The following PEX3 variants were observed in gnomAD, a reference collection of about 807,000 sequenced individuals.
PEX3 encodes the protein peroxisomal biogenesis factor 3.
Under a neutral mutation model 55.8 loss-of-function variants are expected in PEX3, and 30 were observed. The observed-to-expected ratio is 0.54, with a 90% CI of 0.40 to 0.73. The LOEUF is 0.73. Ranked by LOEUF, PEX3 falls within the 30% of genes least tolerant of loss-of-function variation. PEX3 has a pLI of 0.00. For synonymous variants in PEX3, 135 were observed against 148.4 expected (o/e 0.91, Z 0.66); for missense variants, 351 against 432.8 (o/e 0.81, Z 1.68).
chr6:143,472,423 A>G, intron 8 of PEX3, 95 bp downstream of exon 8: 1 of 854,034 alleles, frequency 1.2e-6, no homozygotes, highest in Admixed American at 2.0e-5. Flanking sequence ...CTTGAAAGGT[A>G]AGTGATTGAA....
Position 143,482,798 on chromosome 6 carries a change from G to A in PEX3, c.942-2354G>A, listed in dbSNP as rs1780258812. On this transcript the variant is annotated intron_variant, in intron 10 of 11. Coordinates refer to ENST00000367591, the MANE Select transcript of PEX3 (RefSeq NM_003630.3). This position sits in a 1 kb window ranked among gnomAD's most constrained non-coding sequence, Gnocchi z 5.5. ...TTACAATGACTAATAAAATTCAGGA[G>A]GTTTAAGCATTTAAATATACTAAGT... is the stretch of plus-strand genomic sequence containing the variant. Among the ~76,000 whole-genome samples, 1 of 151,780 alleles carries A rather than the reference G, an allele frequency of 6.6e-6. No homozygotes were observed. The highest frequency in any genetic ancestry group is 1.5e-5 in the Non-Finnish European group (1 of 67,918).
intron 9 of PEX3, among the ~76,000 whole-genome samples, chr6:143,477,396 A>G (rs1780168735): frequency 6.6e-6 from 1 of 151,346 alleles, no homozygotes; most frequent in Non-Finnish European, 1.5e-5. Context: ...CTCAATAAGT[A>G]TTTACTGAAT....
rs1216856382 is a variant in PEX3 at position 143,488,570 on chromosome 6, T to A, written c.1039-573T>A. On this transcript the variant is annotated intron_variant, in intron 11 of 11. Coordinates refer to ENST00000367591, the MANE Select transcript of PEX3 (RefSeq NM_003630.3). The surrounding 1 kb of genome is among the most constrained non-coding windows in gnomAD (Gnocchi z 4.9). ...GCTAATATTATCACAGTTTGTTGCCTACATTCATAATTGAAAGAGATACCA... is the reference window on the plus strand; with the variant it reads ...GCTAATATTATCACAGTTTGTTGCCAACATTCATAATTGAAAGAGATACCA... 6.6e-6 allele frequency among the ~76,000 whole-genome samples: 1 copy of A among 152,076 alleles called. No individual in the cohort carries two copies. The highest frequency in any genetic ancestry group is 6.6e-5 in the Admixed American group (1 of 15,250).
chr6:143,456,301 A>C (rs1483320415), intron 1 of PEX3, among the ~76,000 whole-genome samples: 1 of 152,164 alleles, frequency 6.6e-6, no homozygotes. Flanking sequence ...CATGAGCTCC[A>C]TGTTTTAGCT....
At chr6:143,469,944 TA>T (rs2128746548) in intron 4 of PEX3, among the ~76,000 whole-genome samples, 1 of 152,282 alleles carries the variant, frequency 6.6e-6, no homozygotes, top group Non-Finnish European at 1.5e-5. Context: ...TCAGCTTTTA[TA>T]CTTCCTTTTC....
intron 1 of PEX3, among the ~76,000 whole-genome samples, chr6:143,452,474 T>C (rs1419209816): frequency 1.3e-5 from 2 of 152,216 alleles, no homozygotes; most frequent in East Asian, 3.8e-4. Context: ...ATTATCTCTT[T>C]AGCGATCTCA....
chr6:143,474,094 G>T (rs1780114787), intron 8 of PEX3, among the ~76,000 whole-genome samples: 1 of 151,962 alleles, frequency 6.6e-6, no homozygotes, highest in African/African-American at 2.4e-5. Flanking sequence ...TCATGCCACT[G>T]CACTCCAGTC....
chr6:143,466,179 C>A lies in PEX3; in HGVS notation c.288-1943C>A, dbSNP rs145220470. ...TATACAATAGTCCCATCCACCTTAT[C>A]CATGGTTTCACTTTCCAAGGTTTCA... On this transcript the variant is annotated intron_variant, in intron 3 of 11. Transcript: ENST00000367591. The surrounding 1 kb of genome is among the most constrained non-coding windows in gnomAD (Gnocchi z 5.4). Among the ~76,000 whole-genome samples the A allele has an allele frequency of 3.3e-3, 504 of 152,148 alleles. 1 individual carries two copies. The highest frequency in any genetic ancestry group is 3.5e-3 in the Non-Finnish European group (236 of 67,904).
intron 1 of PEX3, among the ~76,000 whole-genome samples, chr6:143,455,359 A>ATTTTTTTTTTT (rs56788350): frequency 3.9e-4 from 28 of 71,988 alleles, no homozygotes; most frequent in Non-Finnish European, 5.1e-4. Flanking sequence ...CGCCCGGCTA[A>ATTTTTTTTTTT]TTTTTTTTTT....
In PEX3 at chr6:143,470,967, C is replaced by A; in HGVS notation, c.338C>A (p.Thr113Lys). 6.2e-7 allele frequency: 1 copy of A among 1,612,594 alleles called. No homozygotes were observed. Among genetic ancestry groups the A allele is most frequent in the Non-Finnish European group, 8.5e-7 (1 of 1,178,922 alleles). Residue 113 changes from threonine (T) to lysine (K), a missense_variant, in exon 5 of 12, where the codon ACA (threonine) becomes AAA (lysine). Physicochemically the swap from Thr to Lys is moderately conservative, Grantham distance 78. Coordinates refer to ENST00000367591, the MANE Select transcript of PEX3 (RefSeq NM_003630.3). ...IWEDLKIISF[T>K]RSTVAVYSTC... ...TTTTCTTTTCTCTGTGAAGGTTTCACAAGAAGTACTGTGGCTGTATACAGT... is the reference window on the plus strand; with the variant it reads ...TTTTCTTTTCTCTGTGAAGGTTTCAAAAGAAGTACTGTGGCTGTATACAGT...
At chr6:143,452,871 A>G (rs1281403524) in intron 1 of PEX3, among the ~76,000 whole-genome samples, 1 of 152,228 alleles carries the variant, frequency 6.6e-6, no homozygotes, top group African/African-American at 2.4e-5. Context: ...CAAGATTTAT[A>G]TATTTTTAAT....
Position 143,474,776 on chromosome 6 carries a change from A to T in PEX3, c.748-10A>T. 1 of 1,466,850 alleles carries T rather than the reference A, an allele frequency of 6.8e-7. No individual in the cohort carries two copies. The highest frequency in any genetic ancestry group is 9.6e-7 in the Non-Finnish European group (1 of 1,045,972). 90.9% of individuals were successfully genotyped at this position (1,466,850 alleles called of 1,614,324 possible). A position where few individuals can be genotyped will look rare whatever the true frequency, so the allele number is the denominator to read the frequency against. On this transcript the variant is annotated splice_polypyrimidine_tract_variant and intron_variant, in intron 8 of 11. Transcript: ENST00000367591. ...TTGAAAACCTTAAGTGTGACATTTT[A>T]ATTCTATAGGCCTGTGGACTTTCTC...
At position 143,487,202 on chromosome 6, in the gene PEX3, C is replaced by A. The variant is rs1780333279; in HGVS notation, c.1039-1941C>A. Among the ~76,000 whole-genome samples, 1 of 152,236 alleles carries A rather than the reference C, an allele frequency of 6.6e-6. No individual in the cohort carries two copies. Among genetic ancestry groups the A allele is most frequent in the East Asian group, 1.9e-4 (1 of 5,180 alleles). On this transcript the variant is annotated intron_variant, in intron 11 of 11. Coordinates refer to ENST00000367591, the MANE Select transcript of PEX3 (RefSeq NM_003630.3). The surrounding 1 kb of genome is among the most constrained non-coding windows in gnomAD (Gnocchi z 5.3). ...TATAGTGTGAACCAACCCTATGATA[C>A]ATAATTTTTATCTCAGACTACTGAA...
At chr6:143,461,363 C>T (rs1779917074) in intron 2 of PEX3, among the ~76,000 whole-genome samples, 1 of 152,110 alleles carries the variant, frequency 6.6e-6, no homozygotes, top group East Asian at 1.9e-4. Flanking sequence ...CACACGTTTC[C>T]ATGATGCAAC....
chr6:143,461,390 A>G (rs1385878787), intron 2 of PEX3, among the ~76,000 whole-genome samples: 2 of 152,226 alleles, frequency 1.3e-5, no homozygotes, highest in Non-Finnish European at 2.9e-5. Flanking sequence ...ATGAACAAAT[A>G]GCTGACTATA....
At position 143,465,633 on chromosome 6, in the gene PEX3, A is replaced by G. The variant is rs1488007415; in HGVS notation, c.288-2489A>G. On this transcript the variant is annotated intron_variant, in intron 3 of 11. Coordinates refer to ENST00000367591, the MANE Select transcript of PEX3 (RefSeq NM_003630.3). The surrounding 1 kb of genome is among the most constrained non-coding windows in gnomAD (Gnocchi z 4.7). ...CAAAAAGAGATATGAGTCACTTAGG[A>G]TACATTAAATACCTCACCTTTGAAT... is the stretch of plus-strand genomic sequence containing the variant. 6.6e-6 allele frequency among the ~76,000 whole-genome samples: 1 copy of G among 152,066 alleles called. No homozygotes were observed. Among genetic ancestry groups the G allele is most frequent in the Non-Finnish European group, 1.5e-5 (1 of 67,938 alleles).
intron 1 of PEX3, among the ~76,000 whole-genome samples, chr6:143,452,018 A>G (rs1363921385): frequency 6.6e-6 from 1 of 152,262 alleles, no homozygotes; most frequent in Non-Finnish European, 1.5e-5. Context: ...AATCAAGAAC[A>G]GAGTTTCCCA....
chr6:143,463,329 G>A lies in PEX3; in HGVS notation c.287+332G>A, dbSNP rs1309344621. On this transcript the variant is annotated intron_variant, in intron 3 of 11. Transcript: ENST00000367591. The surrounding 1 kb of genome is among the most constrained non-coding windows in gnomAD (Gnocchi z 5.7). Reference sequence around the variant, plus strand: ...GATGCTGTGAAGCTAACAAAGTTACGTTAAATATTGTGCTTCTTTCTGAAA... The same window carrying A: ...GATGCTGTGAAGCTAACAAAGTTACATTAAATATTGTGCTTCTTTCTGAAA... 1.3e-5 allele frequency among the ~76,000 whole-genome samples: 2 copies of A among 152,138 alleles called. No homozygotes were observed. The highest frequency in any genetic ancestry group is 1.5e-5 in the Non-Finnish European group (1 of 68,026).
chr6:143,487,457 A>G lies in PEX3; in HGVS notation c.1039-1686A>G, dbSNP rs1364368890. 6.6e-6 allele frequency among the ~76,000 whole-genome samples: 1 copy of G among 152,128 alleles called. No individual in the cohort carries two copies. Among genetic ancestry groups the G allele is most frequent in the Admixed American group, 6.6e-5 (1 of 15,244 alleles). On this transcript the variant is annotated intron_variant, in intron 11 of 11. Transcript: ENST00000367591. This position sits in a 1 kb window ranked among gnomAD's most constrained non-coding sequence, Gnocchi z 5.3. ...CCATACACCTCACATACATATGTAC[A>G]CACATATACCACAGTCCTCCAGTGT...
Sources: allele counts gnomAD v4.1 joint callset (sites outside exome capture counted in the v4.1 genomes callset), GRCh38; gene constraint gnomAD v4.1.1; non-coding constraint Gnocchi (gnomAD v3.1); transcripts MANE v1.5; gene names NCBI Gene and HGNC (gene_info 2026-07-23, HGNC 2026-07-21).